USP9X: variants seen among roughly 807,000 people sequenced by gnomAD.
The protein encoded by USP9X is ubiquitin specific peptidase 9 X-linked, also known as ubiquitin carboxyl-terminal hydrolase 9X.
Under a neutral mutation model 190.3 loss-of-function variants are expected in USP9X, and 7 were observed. That is an observed-to-expected ratio of 0.04 (90% confidence interval 0.02 to 0.07). The LOEUF (loss-of-function observed/expected upper bound fraction) is 0.07. Among genes scored for constraint, USP9X ranks in the 10% least tolerant of loss-of-function variants. The pLI is 1.00. For missense variants in USP9X, 1,010 were observed against 1,916.9 expected, an observed-to-expected ratio of 0.53 and a Z score of 8.83; for synonymous variants, 645 against 659.5, an observed-to-expected ratio of 0.98 and a Z score of 0.34.
chrX:41,092,629 T>G (rs1224859062), intron 1 of USP9X, among the ~76,000 whole-genome samples: 1 of 111,416 alleles, frequency 9.0e-6, no homozygotes, highest in East Asian at 2.8e-4. Flanking sequence ...TTTTTATTGG[T>G]GAAATAAAAA....
intron 1 of USP9X, among the ~76,000 whole-genome samples, chrX:41,087,668 G>A (rs2061923718): frequency 8.9e-6 from 1 of 112,274 alleles, no homozygotes; most frequent in Admixed American, 9.4e-5. Context: ...TTCCACAGGT[G>A]AACTCAAAAT....
chrX:41,150,781 C>A, intron 12 of USP9X, 140 bp from the exon 13 acceptor site: 1 of 614,644 alleles, frequency 1.6e-6, no homozygotes. Flanking sequence ...TTAAATTAAA[C>A]TCTTTACTGT....
At chrX:41,189,647 A>G in intron 26 of USP9X, 172 bp downstream of exon 26, 1 of 404,951 alleles carries the variant, frequency 2.5e-6, no homozygotes, top group East Asian at 4.1e-5. Context: ...GTTTGGTTTT[A>G]GTCTCTGCAA....
chrX:41,175,770 T>TACACACACACACACAC (rs1169540884), intron 21 of USP9X, among the ~76,000 whole-genome samples: 1 of 95,182 alleles, frequency 1.1e-5, no homozygotes, highest in Admixed American at 1.2e-4. Context: ...TTACTATATA[T>TACACACACACACACAC]ATACACACAC....
chrX:41,172,036 C>T, intron 21 of USP9X, 78 bp downstream of exon 21: 1 of 1,136,365 alleles, frequency 8.8e-7, no homozygotes, highest in Non-Finnish European at 1.2e-6. Context: ...TCTAAATGGA[C>T]CGTGCTTTTT....
In USP9X at chrX:41,167,484, C is replaced by A; in HGVS notation, c.2331C>A (p.Val777=). The part of the protein sequence containing the change: ...ELIGLDYLWR[V]VIQSNDDIAS... ...TACTTTTATCATTTTGAAACCAGGT[C>A]GTGATTCAGAGTAATGATGATATTG... The change falls in exon 17 of 45, where the codon GTC becomes GTA. Residue 777 remains valine, a splice_region_variant and synonymous_variant. Transcript: ENST00000378308. 1 of 1,198,315 alleles carries A rather than the reference C, an allele frequency of 8.3e-7. No homozygotes were observed. The highest frequency in any genetic ancestry group is 1.8e-5 in the South Asian group (1 of 55,429).
intron 39 of USP9X, among the ~76,000 whole-genome samples, chrX:41,224,349 A>T (rs1185286963): frequency 9.0e-6 from 1 of 111,009 alleles, no homozygotes; most frequent in Non-Finnish European, 1.9e-5. Context: ...AAAATAAAAC[A>T]TTTGGCCAGA....
At chrX:41,228,036 C>T (rs956381421) in intron 41 of USP9X, among the ~76,000 whole-genome samples, 1 of 110,705 alleles carries the variant, frequency 9.0e-6, no homozygotes, top group Non-Finnish European at 1.9e-5. Flanking sequence ...AAGGAAACCC[C>T]TACCCAATTA....
intron 1 of USP9X, among the ~76,000 whole-genome samples, chrX:41,089,076 T>G (rs1010902972): frequency 8.9e-6 from 1 of 112,631 alleles, no homozygotes; most frequent in African/African-American, 3.2e-5. Flanking sequence ...TGGATGATTC[T>G]TACATGCATT....
rs187073204 is a variant in USP9X at position 41,146,188 on chromosome X, A to G, written c.1419+1562A>G. 1.8e-3 allele frequency among the ~76,000 whole-genome samples: 201 copies of G among 111,735 alleles called. 1 individual carries two copies. Among genetic ancestry groups the G allele is most frequent in the Non-Finnish European group, 5.3e-4 (28 of 53,061 alleles). ...CTGCTGTATCCCCCCTCTTCTCAGG[A>G]TAGTCTAAATACAATAATGGTCTGA... On this transcript the variant is annotated intron_variant, in intron 11 of 44. Coordinates refer to ENST00000378308, the MANE Select transcript of USP9X (RefSeq NM_001039591.3).
In USP9X at chrX:41,150,914, G is replaced by T. The variant is rs753197927; in HGVS notation, c.1627-7G>T. ...TCTATTTAAAACATTGAAATCATTT[G>T]TTTAAGGACCGTGATACACAAAAGA... On this transcript the variant is annotated splice_polypyrimidine_tract_variant and splice_region_variant and intron_variant, in intron 12 of 44. Coordinates refer to ENST00000378308, the MANE Select transcript of USP9X (RefSeq NM_001039591.3). 8.3e-7 allele frequency: 1 copy of T among 1,199,031 alleles called. No individual in the cohort carries two copies. Among genetic ancestry groups the T allele is most frequent in the East Asian group, 3.0e-5 (1 of 33,534 alleles).
chrX:41,090,181 C>T (rs781252813), intron 1 of USP9X, among the ~76,000 whole-genome samples: 231 of 109,408 alleles, frequency 2.1e-3, no homozygotes, highest in African/African-American at 7.1e-3. Flanking sequence ...TGTTAGGATT[C>T]CCGGCATGAG....
chrX:41,205,584 C>A, intron 32 of USP9X, 91 bp downstream of exon 32: 1 of 834,962 alleles, frequency 1.2e-6, no homozygotes, highest in Non-Finnish European at 1.6e-6. Context: ...TGTTGGAAGG[C>A]ATCTTTTTTT....
chrX:41,122,039 G>A (rs2062194262), intron 1 of USP9X, among the ~76,000 whole-genome samples: 1 of 110,865 alleles, frequency 9.0e-6, no homozygotes, highest in Non-Finnish European at 1.9e-5. Context: ...AAATTCAGTT[G>A]TATTGGAGTA....
chrX:41,132,773 C>G (rs1747653588), intron 4 of USP9X, among the ~76,000 whole-genome samples: 1 of 108,684 alleles, frequency 9.2e-6, no homozygotes, highest in African/African-American at 3.4e-5. Flanking sequence ...TATTAATACA[C>G]AGGAAAGGTG....
At chrX:41,110,540 T>C (rs1162218426) in intron 1 of USP9X, among the ~76,000 whole-genome samples, 1 of 111,689 alleles carries the variant, frequency 9.0e-6, no homozygotes, top group Non-Finnish European at 1.9e-5. Flanking sequence ...TCCTGGCTCC[T>C]ACCACTTTGA....
intron 26 of USP9X, among the ~76,000 whole-genome samples, chrX:41,193,703 A>G (rs2062957675): frequency 9.0e-6 from 1 of 110,959 alleles, no homozygotes; most frequent in Admixed American, 9.6e-5. Context: ...TAGCATGCAC[A>G]TGTAGTCCTA....
In USP9X at chrX:41,141,038, G is replaced by A. The variant is rs752452959; in HGVS notation, c.843G>A (p.Met281Ile). Residue 281 changes from methionine to isoleucine, a missense_variant, in exon 8 of 45, where the codon ATG becomes ATA. Transcript: ENST00000378308. ...VKKYFLPIIE[M>I]VPQFLENLTD... ...AGTACTTTCTTCCAATAATAGAAATGGTTCCACAGTTTTTAGAAAACTTAA... is the reference window on the plus strand; with the variant it reads ...AGTACTTTCTTCCAATAATAGAAATAGTTCCACAGTTTTTAGAAAACTTAA... 2.1e-5 allele frequency: 25 copies of A among 1,205,960 alleles called. No individual in the cohort carries two copies. The highest frequency in any genetic ancestry group is 7.2e-5 in the South Asian group (4 of 55,662).
chrX:41,170,733 C>CA, intron 20 of USP9X, 114 bp downstream of exon 20: 3 of 723,208 alleles, frequency 4.1e-6, no homozygotes, highest in South Asian at 8.5e-5. Flanking sequence ...TTTAATGAGA[C>CA]AAAAAAATAC....
Sources: allele counts gnomAD v4.1 joint callset (sites outside exome capture counted in the v4.1 genomes callset), GRCh38; gene constraint gnomAD v4.1.1; transcripts MANE v1.5; gene names NCBI Gene and HGNC (gene_info 2026-07-23, HGNC 2026-07-21).